TTF2: variants seen among roughly 807,000 people sequenced by gnomAD.
TTF2 encodes RNA polymerase II termination factor.
A neutral mutation model predicts 142.4 loss-of-function variants in TTF2; 108 were observed. That is an observed-to-expected ratio of 0.76 (90% CI 0.65 to 0.89). The LOEUF (loss-of-function observed/expected upper bound fraction) is 0.89. TTF2 is among the 40% of genes least tolerant of loss of function. The pLI, the probability that TTF2 is intolerant of heterozygous loss-of-function variation, is 0.00. For missense variants in TTF2, 1,327 were observed against 1,379.8 expected (o/e 0.96, Z 0.61); for synonymous variants, 483 against 506.2 (o/e 0.95, Z 0.61).
At position 117,075,618 on chromosome 1, in the gene TTF2, G is replaced by A. The variant is rs772273526; in HGVS notation, c.1034G>A (p.Arg345His). 35 of 1,614,046 alleles carry A rather than the reference G, an allele frequency of 2.2e-5. No individual in the cohort carries two copies. Among genetic ancestry groups the A allele is most frequent in the African/African-American group, 4.0e-5 (3 of 74,924 alleles). Reference protein sequence around the residue: ...AAPGLSLGEGREAATSSDDEE... With the variant: ...AAPGLSLGEGHEAATSSDDEE... ...CCAGGGCTTTCCCTGGGTGAGGGCC[G>A]TGAAGCTGCCACAAGCAGTGACGAC... Residue 345 changes from arginine (R) to histidine (H), a missense_variant, in exon 5 of 23, where the codon CGT becomes CAT. Arg to His is a conservative substitution (Grantham distance 29). Coordinates refer to ENST00000369466, the MANE Select transcript of TTF2 (RefSeq NM_003594.4). This position sits in a 1 kb window ranked among gnomAD's most constrained non-coding sequence, Gnocchi z 4.5.
chr1:117,089,947 G>A (rs563828910), intron 13 of TTF2, 108 bp from the exon 14 acceptor site: 7 of 1,275,814 alleles, frequency 5.5e-6, no homozygotes, highest in Middle Eastern at 2.3e-4. Flanking sequence ...TGGATGACAG[G>A]TGTAACAGAA....
chr1:117,081,743 G>A, intron 9 of TTF2, 85 bp from the exon 10 acceptor site: 1 of 1,506,628 alleles, frequency 6.6e-7, no homozygotes, highest in East Asian at 2.3e-5. Flanking sequence ...ATGGGGAAAT[G>A]TCTGCCAGTG....
At chr1:117,096,861 C>T (rs1438081540) in intron 20 of TTF2, among the ~76,000 whole-genome samples, 2 of 152,038 alleles carry the variant, frequency 1.3e-5, no homozygotes, top group Admixed American at 6.6e-5. Flanking sequence ...GGAATCTTTG[C>T]AGAGGAGGCA....
rs1013790933 is a variant in TTF2, at chr1:117,073,949, A to C, written c.285+222A>C. On this transcript the variant is annotated intron_variant, in intron 4 of 22. Coordinates refer to ENST00000369466, the MANE Select transcript of TTF2 (RefSeq NM_003594.4). The surrounding 1 kb of genome is among the most constrained non-coding windows in gnomAD (Gnocchi z 4.4). ...ATTTGCATCCTATTTCACTTAGTAA[A>C]TATTTTTTGAGGTCTTAAATGTAGT... 1.3e-5 allele frequency among the ~76,000 whole-genome samples: 2 copies of C among 152,182 alleles called. No individual in the cohort carries two copies. Among genetic ancestry groups the C allele is most frequent in the Admixed American group, 6.5e-5 (1 of 15,270 alleles).
At position 117,100,086 on chromosome 1, in the gene TTF2, C is replaced by T. The variant is rs1424373309; in HGVS notation, c.3344+1179C>T. Among the ~76,000 whole-genome samples, 11 of 152,230 alleles carry T rather than the reference C, an allele frequency of 7.2e-5. No individual in the cohort carries two copies. Among genetic ancestry groups the T allele is most frequent in the African/African-American group, 2.4e-4 (10 of 41,462 alleles). ...TTTATTCATTGTTCTTTTGAGCATT[C>T]AGCCCATAAAACATACCTTTTGAGC... is the stretch of plus-strand genomic sequence containing the variant. On this transcript the variant is annotated intron_variant, in intron 22 of 22. Transcript: ENST00000369466. The surrounding 1 kb of genome is among the most constrained non-coding windows in gnomAD (Gnocchi z 4.6).
Position 117,090,663 on chromosome 1 carries a change from T to G in TTF2, c.2588+40T>G. ...GAAGCACCTTCTCACACACATTGTT[T>G]TATTCCTGTCTTTTCTTGGGAGTGA... On this transcript the variant is annotated intron_variant, in intron 15 of 22. Coordinates refer to ENST00000369466, the MANE Select transcript of TTF2 (RefSeq NM_003594.4). The surrounding 1 kb of genome is among the most constrained non-coding windows in gnomAD (Gnocchi z 4.8). 6.5e-7 allele frequency: 1 copy of G among 1,540,008 alleles called. No homozygotes were observed. Among genetic ancestry groups the G allele is most frequent in the Non-Finnish European group, 8.9e-7 (1 of 1,120,170 alleles).
rs565193108 is a variant in TTF2 at position 117,089,132 on chromosome 1, ATATT to A, written c.2342+154_2342+157del. 2.4e-3 allele frequency: 1,901 copies of A among 801,914 alleles called. 16 individuals are homozygous for A. The African/African-American group carries it at 0.024, about 10-fold the overall frequency. The allele number at this position is 801,914 out of a possible 1,614,324, so 49.7% of individuals were successfully genotyped here. A position where few individuals can be genotyped will look rare whatever the true frequency, so the allele number is the denominator to read the frequency against. On this transcript the variant is annotated intron_variant, in intron 13 of 22. Transcript: ENST00000369466. ...CAACCTTTAAAGGACAAAAGAATAA[ATATT>A]TATGAGAAAATAGCTGTTGATTGGT...
At chr1:117,081,081 A>G (rs1300433684) in intron 9 of TTF2, among the ~76,000 whole-genome samples, 1 of 152,268 alleles carries the variant, frequency 6.6e-6, no homozygotes, top group African/African-American at 2.4e-5. Context: ...CTCTTACCTT[A>G]CATCCGAGTT....
chr1:117,096,347 T>A (rs1184024375), intron 20 of TTF2, 48 bp downstream of exon 20: 2 of 1,579,212 alleles, frequency 1.3e-6, no homozygotes, highest in Non-Finnish European at 1.7e-6. Context: ...TTCTGAGTTA[T>A]ACAAAGAGAA....
chr1:117,075,802 A>C lies in TTF2; in HGVS notation c.1218A>C (p.Glu406Asp), dbSNP rs778207284. The C allele has an allele frequency of 6.2e-7, 1 of 1,614,008 alleles. No individual in the cohort carries two copies. Among genetic ancestry groups the C allele is most frequent in the Non-Finnish European group, 8.5e-7 (1 of 1,179,972 alleles). ...CCTCAGGTGTTTCCAAGAAGGTAGA[A>C]CCCTCAGACCCAGTAGCCCGGCGTG... Reference protein sequence around the residue: ...SPASGVSKKVEPSDPVARRVY... With the variant: ...SPASGVSKKVDPSDPVARRVY... The change falls in exon 5 of 23, where the codon GAA (glutamate) becomes GAC (aspartate). Residue 406 changes from glutamate (E) to aspartate (D), a missense_variant. By Grantham distance (45) the Glu-to-Asp change is conservative. Transcript: ENST00000369466. This position sits in a 1 kb window ranked among gnomAD's most constrained non-coding sequence, Gnocchi z 4.5.
intron 3 of TTF2, among the ~76,000 whole-genome samples, chr1:117,068,512 G>T (rs1408109558): frequency 6.7e-6 from 1 of 149,236 alleles, no homozygotes; most frequent in Non-Finnish European, 1.5e-5. Flanking sequence ...CCTGCACATT[G>T]TGCACATGTA....
In TTF2 at chr1:117,093,867, G is replaced by A. The variant is rs1163413196; in HGVS notation, c.2976+966G>A. On this transcript the variant is annotated intron_variant, in intron 18 of 22. Coordinates refer to ENST00000369466, the MANE Select transcript of TTF2 (RefSeq NM_003594.4). This position sits in a 1 kb window ranked among gnomAD's most constrained non-coding sequence, Gnocchi z 4.5. ...TCCATTAATAGTTCAAACCACATACGGTTGTTTCAAGTAGGGAAGGAGGCT... is the reference window on the plus strand; with the variant it reads ...TCCATTAATAGTTCAAACCACATACAGTTGTTTCAAGTAGGGAAGGAGGCT... Among the ~76,000 whole-genome samples, 1 of 152,092 alleles carries A rather than the reference G, an allele frequency of 6.6e-6. No individual in the cohort carries two copies. Among genetic ancestry groups the A allele is most frequent in the East Asian group, 1.9e-4 (1 of 5,194 alleles).
chr1:117,098,131 G>C (rs1361285906), intron 21 of TTF2: 1 of 151,212 alleles, frequency 6.6e-6, no homozygotes, highest in African/African-American at 2.4e-5. Context: ...AACGGGTTTA[G>C]TTCTTACTTG....
rs190113528 is a variant in TTF2, at chr1:117,090,602, A to G, written c.2567A>G (p.Asn856Ser). Reference sequence around the variant, plus strand: ...TCTGAAGATGAAGAGACTGTTTACAATGTGTTTTTTGCAAGATCAAGGTGT... The same window carrying G: ...TCTGAAGATGAAGAGACTGTTTACAGTGTGTTTTTTGCAAGATCAAGGTGT... ...KLSEDEETVY[N>S]VFFARSRSAL... Residue 856 changes from asparagine (N) to serine (S), a missense_variant, in exon 15 of 23, where the codon AAT (asparagine) becomes AGT (serine). By Grantham distance (46) the Asn-to-Ser change is conservative (BLOSUM62 1). Transcript: ENST00000369466. The surrounding 1 kb of genome is among the most constrained non-coding windows in gnomAD (Gnocchi z 4.8). 1.9e-6 allele frequency: 3 copies of G among 1,614,062 alleles called. No homozygotes were observed. The highest frequency in any genetic ancestry group is 2.2e-5 in the East Asian group (1 of 44,878).
intron 3 of TTF2, among the ~76,000 whole-genome samples, chr1:117,072,422 CTTTTTTTTTTTT>C (rs34927356): frequency 9.8e-6 from 1 of 102,046 alleles, no homozygotes; most frequent in African/African-American, 4.1e-5. Context: ...AAGATACGGA[CTTTTTTTTTTTT>C]TTTTTTTTTG....
rs371359912 is a variant in TTF2 at position 117,075,535 on chromosome 1, G to A, written c.951G>A (p.Pro317=). 52 of 1,614,162 alleles carry A rather than the reference G, an allele frequency of 3.2e-5. No homozygotes were observed. The African/African-American group carries it at 3.6e-4, about 11-fold the overall frequency. Residue 317 remains proline (P), a synonymous_variant, in exon 5 of 23, where the codon CCG becomes CCA. Transcript: ENST00000369466. This position sits in a 1 kb window ranked among gnomAD's most constrained non-coding sequence, Gnocchi z 4.5. ...SLPQGHFQER[P]ETHSVPAPGG... ...CTCAGGGGCATTTCCAAGAGCGGCC[G>A]GAGACCCACAGTGTGCCTGCTCCTG...
rs1485633580 is a variant in TTF2 at position 117,100,180 on chromosome 1, T to A, written c.3345-1200T>A. ...ATGTTACAAATAGAAATTGATTTTC[T>A]CTTCCTATTATCTCAAATCTGCTAT... On this transcript the variant is annotated intron_variant, in intron 22 of 22. Coordinates refer to ENST00000369466, the MANE Select transcript of TTF2 (RefSeq NM_003594.4). The surrounding 1 kb of genome is among the most constrained non-coding windows in gnomAD (Gnocchi z 4.6). Among the ~76,000 whole-genome samples the A allele has an allele frequency of 6.6e-6, 1 of 152,268 alleles. No individual in the cohort carries two copies. Among genetic ancestry groups the A allele is most frequent in the African/African-American group, 2.4e-5 (1 of 41,474 alleles).
chr1:117,095,650 T>A (rs1324066284), intron 19 of TTF2, among the ~76,000 whole-genome samples: 1 of 151,896 alleles, frequency 6.6e-6, no homozygotes, highest in African/African-American at 2.4e-5. Flanking sequence ...GCTGATAACG[T>A]TCTTAAGCTG....
rs1649466435 is a variant in TTF2 at position 117,100,129 on chromosome 1, TATAATTA to T, written c.3344+1223_3344+1229del. 1.3e-5 allele frequency among the ~76,000 whole-genome samples: 2 copies of T among 152,254 alleles called. No individual in the cohort carries two copies. Among genetic ancestry groups the T allele is most frequent in the African/African-American group, 4.8e-5 (2 of 41,472 alleles). ...TTTTGAGCACCCACTATGTAGCAAG[TATAATTA>T]CATGTTTCAGGTACTCAAATGTTAC... is the stretch of plus-strand genomic sequence containing the variant. On this transcript the variant is annotated intron_variant, in intron 22 of 22. Coordinates refer to ENST00000369466, the MANE Select transcript of TTF2 (RefSeq NM_003594.4). The surrounding 1 kb of genome is among the most constrained non-coding windows in gnomAD (Gnocchi z 4.6).
Sources: allele counts gnomAD v4.1 joint callset (sites outside exome capture counted in the v4.1 genomes callset), GRCh38; gene constraint gnomAD v4.1.1; non-coding constraint Gnocchi (gnomAD v3.1); transcripts MANE v1.5; gene names NCBI Gene and HGNC (gene_info 2026-07-23, HGNC 2026-07-21).